UBR3: variants seen among roughly 807,000 people sequenced by gnomAD.
The protein encoded by UBR3 is ubiquitin protein ligase E3 component n-recognin 3.
Under a neutral mutation model 243.2 loss-of-function variants are expected in UBR3, and 85 were observed. The observed-to-expected ratio is 0.35, with a 90% CI of 0.29 to 0.42. The LOEUF is 0.42. UBR3 is among the 10% of genes least tolerant of loss of function. UBR3 has a pLI of 1.00. For missense variants in UBR3, 1,686 were observed against 2,300.8 expected (o/e 0.73, Z 5.47); for synonymous variants, 748 against 799.8 (o/e 0.94, Z 1.09).
intron 1 of UBR3, among the ~76,000 whole-genome samples, chr2:169,845,798 A>G (rs1044112778): frequency 1.3e-5 from 2 of 151,928 alleles, no homozygotes; most frequent in Admixed American, 1.3e-4. Context: ...TGCCCAGGCT[A>G]GTCTTGAACT....
At chr2:170,054,950 TG>T (rs1480879140) in intron 32 of UBR3, among the ~76,000 whole-genome samples, 1 of 152,166 alleles carries the variant, frequency 6.6e-6, no homozygotes, top group Non-Finnish European at 1.5e-5. Context: ...ATATGTTCTT[TG>T]GATGAATAGA....
chr2:169,902,299 AGTT>A (rs1426087993), intron 8 of UBR3, among the ~76,000 whole-genome samples: 1 of 152,072 alleles, frequency 6.6e-6, no homozygotes, highest in African/African-American at 2.4e-5. Flanking sequence ...TCTTATCTCT[AGTT>A]GTTGTCACTC....
intron 31 of UBR3, among the ~76,000 whole-genome samples, chr2:170,037,185 C>T (rs2090854472): frequency 6.6e-6 from 1 of 152,004 alleles, no homozygotes; most frequent in South Asian, 2.1e-4. Flanking sequence ...TAGGAGCTTT[C>T]TTCTTTGTTC....
At chr2:170,080,387 T>C (rs2091887232) in intron 37 of UBR3, 158 bp from the exon 38 acceptor site, 1 of 850,578 alleles carries the variant, frequency 1.2e-6, no homozygotes, top group African/African-American at 1.7e-5. Flanking sequence ...CCTAATGTAT[T>C]AATAATAAAG....
intron 20 of UBR3, among the ~76,000 whole-genome samples, chr2:169,944,095 C>T (rs1325693931): frequency 1.3e-5 from 2 of 152,058 alleles, no homozygotes; most frequent in Non-Finnish European, 2.9e-5. Flanking sequence ...TGTAGAATAT[C>T]TTTTTGTACT....
chr2:170,015,869 A>G (rs896955537), intron 30 of UBR3, among the ~76,000 whole-genome samples: 1 of 151,876 alleles, frequency 6.6e-6, no homozygotes, highest in Admixed American at 6.6e-5. Context: ...GTGTAAGGAT[A>G]TATTTGAGAG....
chr2:169,937,386 C>G (rs2086381308), intron 19 of UBR3, among the ~76,000 whole-genome samples: 1 of 152,096 alleles, frequency 6.6e-6, no homozygotes, highest in South Asian at 2.1e-4. Flanking sequence ...TGTTTAAGTT[C>G]TTTGTAGATT....
intron 30 of UBR3, among the ~76,000 whole-genome samples, chr2:170,026,894 C>T (rs368260520): frequency 4.8e-4 from 73 of 151,842 alleles, no homozygotes; most frequent in African/African-American, 1.7e-3. Flanking sequence ...TGGTATAAGA[C>T]GTATTTTTGC....
chr2:169,843,825 CCCT>C (rs1003223505), intron 1 of UBR3, among the ~76,000 whole-genome samples: 4 of 151,990 alleles, frequency 2.6e-5, no homozygotes, highest in African/African-American at 9.7e-5. Context: ...GGGAAGGGCA[CCCT>C]CCTCTTTATT....
chr2:170,055,322 CA>C, intron 32 of UBR3, 137 bp from the exon 33 acceptor site: 1 of 995,430 alleles, frequency 1.0e-6, no homozygotes. Context: ...GACCTCGTCT[CA>C]AAAACAAACA....
intron 24 of UBR3, among the ~76,000 whole-genome samples, chr2:169,966,475 T>C (rs900367835): frequency 2.6e-5 from 4 of 152,224 alleles, no homozygotes; most frequent in African/African-American, 9.6e-5. Context: ...GATTATACTA[T>C]ATAGCACAAT....
chr2:170,053,480 A>C (rs1030032225), intron 32 of UBR3, among the ~76,000 whole-genome samples: 1 of 152,188 alleles, frequency 6.6e-6, no homozygotes, highest in Non-Finnish European at 1.5e-5. Flanking sequence ...ACTTCACCCA[A>C]TGTGCCTTTT....
intron 35 of UBR3, among the ~76,000 whole-genome samples, chr2:170,071,895 A>C (rs1367761740): frequency 6.6e-6 from 1 of 152,136 alleles, no homozygotes; most frequent in Non-Finnish European, 1.5e-5. Context: ...TTTGATTTTA[A>C]AGCAGTCATT....
chr2:170,038,276 A>T (rs1430500554), intron 31 of UBR3, among the ~76,000 whole-genome samples: 1 of 152,168 alleles, frequency 6.6e-6, no homozygotes, highest in Admixed American at 6.6e-5. Context: ...GGATCCATAA[A>T]CTTTCTTCTA....
rs181304165 is a variant in UBR3 at position 169,958,069 on chromosome 2, G to C, written c.3546-369G>C. Among the ~76,000 whole-genome samples the C allele has an allele frequency of 2.1e-4, 30 of 143,826 alleles. 1 individual carries two copies. In the Middle Eastern group the frequency reaches 0.011, roughly 51 times the overall value. 94.4% of individuals were successfully genotyped at this position (143,826 alleles called of 152,430 possible). A position where few individuals can be genotyped will look rare whatever the true frequency, so the allele number is the denominator to read the frequency against. On this transcript the variant is annotated intron_variant, in intron 23 of 38. Transcript: ENST00000272793. Reference sequence around the variant, plus strand: ...TAGCAATCAGTTTACTGTTATTTGTGCCTGGGATTAAATTGTTAGTCTCTT... The same window carrying C: ...TAGCAATCAGTTTACTGTTATTTGTCCCTGGGATTAAATTGTTAGTCTCTT...
intron 32 of UBR3, among the ~76,000 whole-genome samples, chr2:170,046,167 A>G (rs538235326): frequency 2.0e-4 from 30 of 152,196 alleles, no homozygotes; most frequent in South Asian, 6.2e-4. Flanking sequence ...GGGTTTCACC[A>G]TGTTGGCCAG....
At chr2:169,866,359 T>C (rs2083264152) in intron 1 of UBR3, among the ~76,000 whole-genome samples, 1 of 151,160 alleles carries the variant, frequency 6.6e-6, no homozygotes, top group South Asian at 2.1e-4. Context: ...AAGAAGTTTT[T>C]TTGTTTTTTT....
intron 26 of UBR3, among the ~76,000 whole-genome samples, chr2:169,996,090 A>T (rs1338532688): frequency 6.6e-6 from 1 of 152,246 alleles, no homozygotes; most frequent in African/African-American, 2.4e-5. Flanking sequence ...AATTAGTAAG[A>T]TAAGTGGAAG....
intron 1 of UBR3, among the ~76,000 whole-genome samples, chr2:169,851,066 T>C (rs2082640156): frequency 6.6e-6 from 1 of 152,218 alleles, no homozygotes; most frequent in Non-Finnish European, 1.5e-5. Flanking sequence ...CTTAGACTAT[T>C]CACAGTTGTT....
Sources: allele counts gnomAD v4.1 joint callset (sites outside exome capture counted in the v4.1 genomes callset), GRCh38; gene constraint gnomAD v4.1.1; transcripts MANE v1.5; gene names NCBI Gene and HGNC (gene_info 2026-07-23, HGNC 2026-07-21).